UVSSA: variants seen among roughly 807,000 people sequenced by gnomAD.
UVSSA encodes UV stimulated scaffold protein A.
UVSSA carries 72 observed loss-of-function variants against 73.9 expected under a neutral mutation model. That is an observed-to-expected ratio of 0.97 (90% CI 0.81 to 1.19). The LOEUF is 1.19. Ranked by LOEUF, UVSSA falls within the 50% of genes most tolerant of loss-of-function variation. The probability of loss-of-function intolerance (pLI) is 0.00; values close to 1 mark genes in which losing one functional copy is unlikely to be tolerated. For synonymous variants in UVSSA, 454 were observed against 391.3 expected (o/e 1.16, Z -1.89); for missense variants, 1,150 against 965.0 (o/e 1.19, Z -2.54).
chr4:1,361,100 G>A (rs1716562334), intron 7 of UVSSA, among the ~76,000 whole-genome samples: 1 of 152,226 alleles, frequency 6.6e-6, no homozygotes, highest in South Asian at 2.1e-4. Context: ...TATCTGGCAG[G>A]CAGCCCCGGG....
intron 8 of UVSSA, among the ~76,000 whole-genome samples, chr4:1,372,876 C>T (rs571732726): frequency 3.4e-5 from 5 of 146,974 alleles, no homozygotes; most frequent in Non-Finnish European, 7.5e-5. Context: ...TCACCTCCCG[C>T]GTCTCAGGGC....
chr4:1,363,910 C>CA (rs1716975272), intron 7 of UVSSA, among the ~76,000 whole-genome samples: 1 of 152,286 alleles, frequency 6.6e-6, no homozygotes, highest in Admixed American at 6.5e-5. Flanking sequence ...TGCTCCTAAA[C>CA]AAAGTGCACT....
chr4:1,394,612 C>T (rs370096302), exon 14 of UVSSA: 77 of 1,502,116 alleles, frequency 5.1e-5, no homozygotes, highest in Non-Finnish European at 6.2e-5. Flanking sequence ...GAGTGCCCGC[C>T]TGCTCACACA....
chr4:1,375,909 C>A, intron 9 of UVSSA, 125 bp from the exon 10 acceptor site: 1 of 1,423,242 alleles, frequency 7.0e-7, no homozygotes, highest in Non-Finnish European at 9.4e-7. Flanking sequence ...CGTCGTGTGG[C>A]AGAAGCCATT....
At chr4:1,353,817 C>T (rs1312652762) in intron 5 of UVSSA, among the ~76,000 whole-genome samples, 5 of 152,164 alleles carry the variant, frequency 3.3e-5, no homozygotes, top group Admixed American at 2.0e-4. Context: ...CTGTCAGGGT[C>T]CCGTGTCGCC....
In UVSSA at chr4:1,375,436, T is replaced by A. The variant is rs142208115; in HGVS notation, c.1361T>A (p.Val454Glu). Residue 454 changes from valine (V) to glutamate (E), a missense_variant, in exon 9 of 14, where the codon GTG becomes GAG. Transcript: ENST00000389851. ...LRTRTRMDEE[V>E]SDPTSAAAQL... Reference sequence around the variant, plus strand: ...ACGAGGACGAGGATGGACGAGGAGGTGTCGGACCCCACCTCTGCGGCTGCT... The same window carrying A: ...ACGAGGACGAGGATGGACGAGGAGGAGTCGGACCCCACCTCTGCGGCTGCT... 2 of 1,613,008 alleles carry A rather than the reference T, an allele frequency of 1.2e-6. No homozygotes were observed. The highest frequency in any genetic ancestry group is 2.7e-5 in the African/African-American group (2 of 74,820).
At chr4:1,395,155 T>G in exon 14 of UVSSA, 1 of 1,223,130 alleles carries the variant, frequency 8.2e-7, no homozygotes, top group Non-Finnish European at 1.1e-6. Context: ...CACGTGCCCA[T>G]GTGGAGTGTT....
chr4:1,342,167 A>G (rs769271799), upstream of UVSSA, among the ~76,000 whole-genome samples: 2 of 152,216 alleles, frequency 1.3e-5, no homozygotes, highest in Non-Finnish European at 2.9e-5. Flanking sequence ...GTTTAACTGT[A>G]CCACAACTGC....
At chr4:1,375,694 T>A (rs1718680743) in intron 9 of UVSSA, among the ~76,000 whole-genome samples, 186 bp downstream of exon 9, 1 of 152,226 alleles carries the variant, frequency 6.6e-6, no homozygotes, top group Non-Finnish European at 1.5e-5. Flanking sequence ...AGTGCCAGCA[T>A]CAGCTGGAGC....
intron 12 of UVSSA, among the ~76,000 whole-genome samples, chr4:1,382,072 G>T (rs1033897730): frequency 1.3e-5 from 2 of 152,216 alleles, no homozygotes; most frequent in Non-Finnish European, 2.9e-5. Flanking sequence ...CTTCCAAGCT[G>T]TCTCTGTCAT....
chr4:1,380,692 T>C, intron 11 of UVSSA, 188 bp from the exon 12 acceptor site: 1 of 1,541,150 alleles, frequency 6.5e-7, no homozygotes, highest in Non-Finnish European at 8.8e-7. Flanking sequence ...GACGGAGCCA[T>C]CCCCACGTCC....
Position 1,385,744 on chromosome 4 carries a change from T to G in UVSSA, c.2037-124T>G. 7 of 951,552 alleles carry G rather than the reference T, an allele frequency of 7.4e-6. No homozygotes were observed. The South Asian group carries it at 9.9e-5, about 13-fold the overall frequency. 58.9% of individuals were successfully genotyped at this position (951,552 alleles called of 1,614,324 possible). ...CTCTGAAGGTGGCACCCACAGGCAG[T>G]CTGTCAGTGTCCGAGGGCAGCAGTT... is the stretch of plus-strand genomic sequence containing the variant. On this transcript the variant is annotated intron_variant, in intron 13 of 13. Transcript: ENST00000389851.
intron 6 of UVSSA, 56 bp downstream of exon 6, chr4:1,354,903 T>G (rs1577300960): frequency 1.6e-5 from 23 of 1,465,828 alleles, no homozygotes; most frequent in Admixed American, 5.9e-5. Flanking sequence ...GTGCCATGCA[T>G]GGGGGGGGTC....
At chr4:1,364,370 G>C (rs1227026540) in intron 7 of UVSSA, among the ~76,000 whole-genome samples, 1 of 152,146 alleles carries the variant, frequency 6.6e-6, no homozygotes, top group South Asian at 2.1e-4. Context: ...CCGTGGCCTT[G>C]TGTGGCCTGG....
At chr4:1,394,385 A>T (rs1471009183) in exon 14 of UVSSA, 2 of 1,438,044 alleles carry the variant, frequency 1.4e-6, no homozygotes, top group Non-Finnish European at 1.9e-6. Context: ...GTTTTCTTCT[A>T]GTACTTTTAT....
chr4:1,387,821 A>G lies in UVSSA; in HGVS notation c.*1860A>G, dbSNP rs1477401990. On this transcript the variant is annotated 3_prime_UTR_variant, in exon 14 of 14. Coordinates refer to ENST00000389851, the MANE Select transcript of UVSSA (RefSeq NM_020894.4). Reference sequence around the variant, plus strand: ...CTGTTTAACCTTATGCCAGTGCCACAGTGCCTTGATCAGTGCTGCTTTGTT... The same window carrying G: ...CTGTTTAACCTTATGCCAGTGCCACGGTGCCTTGATCAGTGCTGCTTTGTT... 3.9e-5 allele frequency: 6 copies of G among 152,210 alleles called. No individual in the cohort carries two copies. Among genetic ancestry groups the G allele is most frequent in the African/African-American group, 9.7e-5 (4 of 41,440 alleles). The allele number at this position is 152,210 out of a possible 1,614,324, so 9.4% of individuals were successfully genotyped here.
In UVSSA at chr4:1,354,781, C is replaced by T. The variant is rs765037875; in HGVS notation, c.981C>T (p.His327=). 9.3e-6 allele frequency: 15 copies of T among 1,613,522 alleles called. No individual in the cohort carries two copies. The highest frequency in any genetic ancestry group is 1.3e-5 in the African/African-American group (1 of 74,892). ...QENEDNLALI[H]AARDTLKLIR... ...ACGAGGACAACCTTGCTCTCATCCA[C>T]GCCGCCCGCGACACACTCAAGCTCA... Residue 327 remains histidine, a synonymous_variant, in exon 6 of 14, where the codon CAC becomes CAT. Coordinates refer to ENST00000389851, the MANE Select transcript of UVSSA (RefSeq NM_020894.4).
chr4:1,371,952 C>G (rs1435071924), intron 8 of UVSSA, among the ~76,000 whole-genome samples: 148 of 152,228 alleles, frequency 9.7e-4, no homozygotes, highest in Non-Finnish European at 1.8e-4. Flanking sequence ...GCCGAAGTCC[C>G]CACAGTCAGG....
At chr4:1,349,464 T>C in intron 2 of UVSSA, 60 bp from the exon 3 acceptor site, 1 of 1,529,918 alleles carries the variant, frequency 6.5e-7, no homozygotes, top group Non-Finnish European at 8.9e-7. Flanking sequence ...GCACGGAGAG[T>C]CTCCCCCCGC....
Sources: gnomAD v4.1 joint callset for allele counts (sites outside exome capture counted in the v4.1 genomes callset) on GRCh38, gnomAD v4.1.1 for gene constraint, MANE v1.5 for transcripts, NCBI Gene and HGNC (gene_info 2026-07-23, HGNC 2026-07-21) for gene names.